Variants in CADPS observed in about 807,000 individuals in gnomAD.
CADPS encodes calcium dependent secretion activator.
Under a neutral mutation model 167.3 loss-of-function variants are expected in CADPS, and 57 were observed. The ratio of observed to expected loss-of-function variants is 0.34; its 90% CI spans 0.28 to 0.42. The LOEUF is 0.42. Among genes scored for constraint, CADPS ranks in the 20% least tolerant of loss-of-function variants. The pLI, the probability that CADPS is intolerant of heterozygous loss-of-function variation, is 1.00. For synonymous variants in CADPS, 676 were observed against 635.3 expected (o/e 1.06, Z -0.96); for missense variants, 1,414 against 1,738.1 (o/e 0.81, Z 3.32).
At chr3:62,804,276 C>G (rs909507530) in intron 1 of CADPS, among the ~76,000 whole-genome samples, 1 of 152,082 alleles carries the variant, frequency 6.6e-6, no homozygotes, top group Admixed American at 6.6e-5. Context: ...GAAAACCACT[C>G]CCCCTTTGAG....
At position 62,499,250 on chromosome 3, in the gene CADPS, A is replaced by G. The variant is rs139990093; in HGVS notation, c.2618T>C (p.Ile873Thr). 49 of 1,612,562 alleles carry G rather than the reference A, an allele frequency of 3.0e-5. No homozygotes were observed. The African/African-American group carries it at 6.5e-4, about 22-fold the overall frequency. ...QKDAENVGRL[I>T]TPAKKLEDTI... is the part of the protein sequence containing the mutation. Reference sequence around the variant, plus strand: ...ATCTTCAAGCTTTTTGGCAGGAGTGATTAACCGGCCTACATTTTCTGTAGT... The same window carrying G: ...ATCTTCAAGCTTTTTGGCAGGAGTGGTTAACCGGCCTACATTTTCTGTAGT... The change falls in exon 18 of 30, where the codon ATC becomes ACC. Residue 873 changes from isoleucine to threonine, a missense_variant. Ile to Thr is a moderately conservative substitution (Grantham distance 89). Coordinates refer to ENST00000383710, the MANE Select transcript of CADPS (RefSeq NM_003716.4).
At chr3:62,724,544 A>G (rs2076394679) in intron 3 of CADPS, among the ~76,000 whole-genome samples, 1 of 152,264 alleles carries the variant, frequency 6.6e-6, no homozygotes, top group African/African-American at 2.4e-5. Flanking sequence ...GTGCCAAAAA[A>G]AAGTAGAAAA....
chr3:62,670,218 T>C (rs527283058), intron 3 of CADPS, among the ~76,000 whole-genome samples: 1 of 152,264 alleles, frequency 6.6e-6, no homozygotes, highest in Non-Finnish European at 1.5e-5. Flanking sequence ...ATTGTAGGTG[T>C]ATATAACTCT....
At chr3:62,637,314 G>A (rs1174031549) in intron 6 of CADPS, among the ~76,000 whole-genome samples, 1 of 152,184 alleles carries the variant, frequency 6.6e-6, no homozygotes, top group East Asian at 1.9e-4. Flanking sequence ...TAGCCATATG[G>A]TTCCAGCTAG....
chr3:62,712,340 C>T (rs2083560938), intron 3 of CADPS, among the ~76,000 whole-genome samples: 1 of 152,146 alleles, frequency 6.6e-6, no homozygotes, highest in African/African-American at 2.4e-5. Context: ...GTACAAGTCC[C>T]CTGCACCCTT....
intron 1 of CADPS, among the ~76,000 whole-genome samples, chr3:62,775,217 TG>T (rs553269504): frequency 3.3e-5 from 1 of 29,892 alleles, no homozygotes; most frequent in Admixed American, 2.8e-4. Flanking sequence ...TTTGTATTTT[TG>T]TATTTTTTTT....
At chr3:62,783,433 G>A (rs752379102) in intron 1 of CADPS, among the ~76,000 whole-genome samples, 1 of 152,144 alleles carries the variant, frequency 6.6e-6, no homozygotes. Context: ...CAGGTTAGCA[G>A]TACCTCTACA....
At chr3:62,608,006 C>G (rs182842043) in intron 6 of CADPS, among the ~76,000 whole-genome samples, 1 of 152,144 alleles carries the variant, frequency 6.6e-6, no homozygotes, top group Non-Finnish European at 1.5e-5. Flanking sequence ...TAGGCTCAAC[C>G]TGGAGCCAGA....
chr3:62,725,644 A>G (rs781450159), intron 3 of CADPS, among the ~76,000 whole-genome samples: 53 of 149,726 alleles, frequency 3.5e-4, no homozygotes, highest in Non-Finnish European at 5.9e-4. Flanking sequence ...CATTGCTGGT[A>G]TACAGGAAAC....
chr3:62,439,879 A>T (rs1319605308), intron 27 of CADPS: 1 of 152,156 alleles, frequency 6.6e-6, no homozygotes, highest in African/African-American at 2.4e-5. Context: ...TCTTTTCACG[A>T]AGTTTCACTG....
chr3:62,559,356 T>C (rs2078740378), intron 9 of CADPS, among the ~76,000 whole-genome samples: 1 of 152,136 alleles, frequency 6.6e-6, no homozygotes. Context: ...ATAAAGAGGT[T>C]TTACCCCCCA....
chr3:62,727,739 G>A (rs2077010947), intron 3 of CADPS, among the ~76,000 whole-genome samples: 1 of 151,902 alleles, frequency 6.6e-6, no homozygotes, highest in South Asian at 2.1e-4. Context: ...TCACTTAGAA[G>A]CTAACATTTC....
At chr3:62,507,432 C>T (rs940015847) in intron 17 of CADPS, among the ~76,000 whole-genome samples, 2 of 150,522 alleles carry the variant, frequency 1.3e-5, no homozygotes, top group African/African-American at 2.4e-5. Context: ...TTGGTAAGCT[C>T]AACAAGGGTA....
chr3:62,571,912 G>A (rs1218676699), intron 8 of CADPS, among the ~76,000 whole-genome samples: 2 of 152,096 alleles, frequency 1.3e-5, no homozygotes, highest in East Asian at 1.9e-4. Flanking sequence ...TCTGCATTGT[G>A]GATTGTTACA....
chr3:62,520,727 A>G (rs760693845), intron 13 of CADPS, among the ~76,000 whole-genome samples: 1 of 152,222 alleles, frequency 6.6e-6, no homozygotes, highest in Non-Finnish European at 1.5e-5. Context: ...CTGAAATGGT[A>G]TTGGTAACAG....
intron 1 of CADPS, among the ~76,000 whole-genome samples, chr3:62,813,851 G>T (rs561388716): frequency 6.6e-6 from 1 of 152,082 alleles, no homozygotes; most frequent in East Asian, 1.9e-4. Flanking sequence ...AAACAGCAGA[G>T]GCTGTGCTTT....
intron 1 of CADPS, among the ~76,000 whole-genome samples, chr3:62,780,808 T>C (rs999006830): frequency 1.3e-5 from 2 of 152,198 alleles, no homozygotes; most frequent in Non-Finnish European, 2.9e-5. Context: ...TTTTCCATCT[T>C]GCTAGTTCCT....
intron 11 of CADPS, among the ~76,000 whole-genome samples, 176 bp from the exon 12 acceptor site, chr3:62,536,757 T>C (rs191080774): frequency 2.0e-5 from 3 of 152,318 alleles, no homozygotes; most frequent in Non-Finnish European, 2.9e-5. Context: ...CTTGCATCAC[T>C]TACTGGTGAG....
At chr3:62,582,703 G>T (rs1223094558) in intron 8 of CADPS, among the ~76,000 whole-genome samples, 1 of 152,170 alleles carries the variant, frequency 6.6e-6, no homozygotes, top group Non-Finnish European at 1.5e-5. Flanking sequence ...GCTATTTTAA[G>T]CTCTCTTGGT....
Sources: gnomAD v4.1 joint callset for allele counts (sites outside exome capture counted in the v4.1 genomes callset) on GRCh38, gnomAD v4.1.1 for gene constraint, MANE v1.5 for transcripts, NCBI Gene and HGNC (gene_info 2026-07-23, HGNC 2026-07-21) for gene names.